MYO5C: variants seen among roughly 807,000 people sequenced by gnomAD.
The protein encoded by MYO5C is unconventional myosin-Vc.
A neutral mutation model predicts 235.7 loss-of-function variants in MYO5C; 194 were observed. That is an observed-to-expected ratio of 0.82 (90% confidence interval 0.73 to 0.93). The LOEUF (loss-of-function observed/expected upper bound fraction) is 0.93, where lower values mean the gene tolerates loss of function less well. MYO5C is among the 40% of genes least tolerant of loss of function. The pLI is 0.00. For synonymous variants in MYO5C, 707 were observed against 754.8 expected (o/e 0.94, Z 1.04); for missense variants, 2,038 against 2,127.2 (o/e 0.96, Z 0.82).
At chr15:52,229,371 T>A (rs552044933) in intron 24 of MYO5C, 58 bp from the exon 25 acceptor site, 1 of 1,549,992 alleles carries the variant, frequency 6.5e-7, no homozygotes, top group East Asian at 2.3e-5. Context: ...AAACCTGTAA[T>A]CCCAGCACTT....
rs754862405 is a variant in MYO5C, at chr15:52,224,959, G to A, written c.3388C>T (p.His1130Tyr). 6 of 1,613,862 alleles carry A rather than the reference G, an allele frequency of 3.7e-6. No homozygotes were observed. In the African/African-American group the frequency reaches 8.0e-5, roughly 22 times the overall value. ...CAAAGTTCTCCATCCTCATTTAAATGTTCCAGATCTTCCACAGAGAGCCTG... is the reference window on the plus strand; with the variant it reads ...CAAAGTTCTCCATCCTCATTTAAATATTCCAGATCTTCCACAGAGAGCCTG... The part of the protein sequence containing the change: ...RSRLSVEDLE[H>Y]LNEDGELWFA... Residue 1130 changes from histidine to tyrosine, a missense_variant, in exon 28 of 41, where the codon CAT becomes TAT. His to Tyr is a moderately conservative substitution (Grantham distance 83). Coordinates refer to ENST00000261839, the MANE Select transcript of MYO5C (RefSeq NM_018728.4).
chr15:52,232,154 A>G (rs2035965809), intron 24 of MYO5C, among the ~76,000 whole-genome samples: 1 of 56,346 alleles, frequency 1.8e-5, no homozygotes, highest in South Asian at 3.8e-4. Context: ...GAAGGAAAGG[A>G]AGGAAAGGAA....
In MYO5C at chr15:52,204,846, G is replaced by A. The variant is rs73404850; in HGVS notation, c.4820+19C>T. 3.1e-6 allele frequency: 5 copies of A among 1,610,758 alleles called. No individual in the cohort carries two copies. In the South Asian group the frequency reaches 3.3e-5, roughly 11 times the overall value. ...TTTCTGCAGGCCTCTCCGCGTGAGCGGAGGTTTCTGGGTTTTACCTGATCT... is the reference window on the plus strand; with the variant it reads ...TTTCTGCAGGCCTCTCCGCGTGAGCAGAGGTTTCTGGGTTTTACCTGATCT... On this transcript the variant is annotated intron_variant, in intron 38 of 40. Transcript: ENST00000261839.
At chr15:52,202,628 C>T (rs995643517) in intron 38 of MYO5C, among the ~76,000 whole-genome samples, 1 of 152,140 alleles carries the variant, frequency 6.6e-6, no homozygotes, top group African/African-American at 2.4e-5. Context: ...CAGAGGACTA[C>T]AGGATCTGCT....
intron 31 of MYO5C, 91 bp from the exon 32 acceptor site, chr15:52,218,778 T>C (rs1036693903): frequency 2.2e-6 from 3 of 1,370,572 alleles, no homozygotes; most frequent in Non-Finnish European, 3.0e-6. Context: ...TTTCCAAAGA[T>C]GGAAGAACAC....
intron 9 of MYO5C, among the ~76,000 whole-genome samples, chr15:52,261,710 C>T (rs1249242439): frequency 6.6e-6 from 1 of 152,210 alleles, no homozygotes; most frequent in African/African-American, 2.4e-5. Context: ...TGCTTCTCCC[C>T]CAAGCCAGGG....
At chr15:52,229,638 AAAG>A (rs1429283217) in intron 24 of MYO5C, among the ~76,000 whole-genome samples, 1 of 152,214 alleles carries the variant, frequency 6.6e-6, no homozygotes, top group Non-Finnish European at 1.5e-5. Context: ...ACCCCCTAAA[AAAG>A]AAGAAAATAA....
chr15:52,211,978 T>C (rs1254137092), intron 34 of MYO5C, 94 bp from the exon 35 acceptor site: 3 of 1,332,208 alleles, frequency 2.3e-6, no homozygotes, highest in African/African-American at 2.9e-5. Flanking sequence ...TTTGCTTTTC[T>C]GTGCTTGACA....
chr15:52,229,060 A>G, intron 25 of MYO5C, 73 bp downstream of exon 25: 4 of 1,568,330 alleles, frequency 2.6e-6, no homozygotes, highest in Non-Finnish European at 3.5e-6. Context: ...TTAGCTGTCT[A>G]ATCTGTGGGA....
chr15:52,200,131 C>T (rs183791466), intron 38 of MYO5C, among the ~76,000 whole-genome samples: 239 of 152,242 alleles, frequency 1.6e-3, no homozygotes, highest in Middle Eastern at 3.4e-3. Flanking sequence ...ACATATGAAA[C>T]GGACCCAAAG....
intron 33 of MYO5C, among the ~76,000 whole-genome samples, chr15:52,214,195 CA>C (rs1055803717): frequency 6.6e-5 from 10 of 152,156 alleles, no homozygotes; most frequent in African/African-American, 2.2e-4. Flanking sequence ...CCATGCAGTC[CA>C]TGTTCAGGAT....
At chr15:52,256,842 C>A (rs1041835113) in intron 10 of MYO5C, 122 bp from the exon 11 acceptor site, 1 of 681,226 alleles carries the variant, frequency 1.5e-6, no homozygotes, top group Non-Finnish European at 2.5e-6. Context: ...GTTTTAAATA[C>A]CCCTCAAAGC....
intron 11 of MYO5C, among the ~76,000 whole-genome samples, chr15:52,256,128 C>A (rs1278112856): frequency 1.3e-5 from 2 of 152,136 alleles, no homozygotes; most frequent in Non-Finnish European, 2.9e-5. Flanking sequence ...AACTTGCATG[C>A]AAATGATGAT....
At chr15:52,252,318 C>T (rs1353432924) in intron 12 of MYO5C, among the ~76,000 whole-genome samples, 2 of 152,100 alleles carry the variant, frequency 1.3e-5, no homozygotes, top group African/African-American at 2.4e-5. Context: ...ATAGAGAGTC[C>T]TCCCCTTCCC....
chr15:52,253,402 A>G lies in MYO5C; in HGVS notation c.1451T>C (p.Leu484Pro). The G allele has an allele frequency of 6.2e-7, 1 of 1,614,010 alleles. No individual in the cohort carries two copies. The highest frequency in any genetic ancestry group is 8.5e-7 in the Non-Finnish European group (1 of 1,179,900). The change falls in exon 12 of 41, where the codon CTG (leucine) becomes CCG (proline). Residue 484 changes from leucine (L) to proline (P), a missense_variant. Leu to Pro is a moderately conservative substitution (Grantham distance 98). Coordinates refer to ENST00000261839, the MANE Select transcript of MYO5C (RefSeq NM_018728.4). ...TGGTTGATTGTCATAAAAATCTATC[A>G]GCGTCCAAGGTATATCTTCCTTCAT... The part of the protein sequence containing the change: ...EYMKEDIPWT[L>P]IDFYDNQPVI...
chr15:52,204,815 G>C, intron 38 of MYO5C, 50 bp downstream of exon 38: 1 of 1,589,088 alleles, frequency 6.3e-7, no homozygotes, highest in Non-Finnish European at 8.5e-7. Flanking sequence ...GACTTCAAGA[G>C]CATCCTTTCT....
intron 38 of MYO5C, among the ~76,000 whole-genome samples, chr15:52,199,027 G>C (rs1017424228): frequency 1.3e-5 from 2 of 152,036 alleles, no homozygotes; most frequent in African/African-American, 2.4e-5. Context: ...CCGAGTAGCT[G>C]GGACTACAGC....
Position 52,295,761 on chromosome 15 carries a change from A to G in MYO5C, c.-125T>C. On this transcript the variant is annotated 5_prime_UTR_variant, in exon 1 of 41. Transcript: ENST00000261839. ...AAATCACCGCCGGGCCATCTTGCCC[A>G]AAGTTTTCCAACGGCCTCCTGTTCC... 4 of 613,926 alleles carry G rather than the reference A, an allele frequency of 6.5e-6. No homozygotes were observed. The highest frequency in any genetic ancestry group is 9.9e-6 in the Non-Finnish European group (4 of 403,744). 38.0% of individuals were successfully genotyped at this position (613,926 alleles called of 1,614,324 possible). A position where few individuals can be genotyped will look rare whatever the true frequency, so the allele number is the denominator to read the frequency against.
chr15:52,229,167 T>A lies in MYO5C; in HGVS notation c.3173A>T (p.Lys1058Met). 6.2e-7 allele frequency: 1 copy of A among 1,614,216 alleles called. No homozygotes were observed. The highest frequency in any genetic ancestry group is 8.5e-7 in the Non-Finnish European group (1 of 1,180,044). Residue 1058 changes from lysine (K) to methionine (M), a missense_variant, in exon 25 of 41, where the codon AAG (lysine) becomes ATG (methionine). By Grantham distance (95) the Lys-to-Met change is moderately conservative. Coordinates refer to ENST00000261839, the MANE Select transcript of MYO5C (RefSeq NM_018728.4). ...CTTGCTCAGGCGGGCCACTTCCGCCTTCAAGCCATCAGAAGTGACGTGCTC... is the reference window on the plus strand; with the variant it reads ...CTTGCTCAGGCGGGCCACTTCCGCCATCAAGCCATCAGAAGTGACGTGCTC... Reference protein sequence around the residue: ...EGEHVTSDGLKAEVARLSKQV... With the variant: ...EGEHVTSDGLMAEVARLSKQV...
Sources: allele counts gnomAD v4.1 joint callset (sites outside exome capture counted in the v4.1 genomes callset), GRCh38; gene constraint gnomAD v4.1.1; transcripts MANE v1.5; gene names NCBI Gene and HGNC (gene_info 2026-07-23, HGNC 2026-07-21).